Variants in UGGT2 observed in about 807,000 individuals in gnomAD.
The protein encoded by UGGT2 is UDP-glucose:glycoprotein glucosyltransferase 2.
A neutral mutation model predicts 192.1 loss-of-function variants in UGGT2; 180 were observed. That is an observed-to-expected ratio of 0.94 (90% CI 0.83 to 1.06). UGGT2 has a LOEUF of 1.06. Ranked by LOEUF, UGGT2 falls within the 50% of genes least tolerant of loss-of-function variation. The probability of loss-of-function intolerance (pLI) is 0.00; values close to 1 mark genes in which losing one functional copy is unlikely to be tolerated. For missense variants in UGGT2, 1,849 were observed against 1,795.7 expected (o/e 1.03, Z -0.54); for synonymous variants, 580 against 591.0 (o/e 0.98, Z 0.27).
At chr13:96,011,533 A>C (rs2052161892) in intron 5 of UGGT2, among the ~76,000 whole-genome samples, 1 of 152,122 alleles carries the variant, frequency 6.6e-6, no homozygotes, top group Admixed American at 6.5e-5. Flanking sequence ...AATGGTGGTT[A>C]GGATTTAGAG....
chr13:95,947,032 C>T lies in UGGT2; in HGVS notation c.1677+5G>A. 1 of 1,568,346 alleles carries T rather than the reference C, an allele frequency of 6.4e-7. No individual in the cohort carries two copies. The highest frequency in any genetic ancestry group is 8.6e-7 in the Non-Finnish European group (1 of 1,162,576). On this transcript the variant is annotated splice_donor_5th_base_variant and intron_variant, in intron 15 of 38. Coordinates refer to ENST00000376747, the MANE Select transcript of UGGT2 (RefSeq NM_020121.4). ...AAACAAATCACATTTAGTGCATAAA[C>T]TCACGTGTACTATAGAAATAAATGC...
Position 95,917,074 on chromosome 13 carries a change from T to G in UGGT2, c.2295+8606A>C, listed in dbSNP as rs1594320481. On this transcript the variant is annotated intron_variant, in intron 20 of 38. Coordinates refer to ENST00000376747, the MANE Select transcript of UGGT2 (RefSeq NM_020121.4). ...CCCAGTAAGATACTCCATGAAAAGA[T>G]CAACCACAAGACATATAATCATCAG... Among the ~76,000 whole-genome samples the G allele has an allele frequency of 2.0e-5, 3 of 152,100 alleles. No homozygotes were observed. In the South Asian group the frequency reaches 6.2e-4, roughly 32 times the overall value.
At chr13:95,992,111 C>T (rs747485360) in intron 7 of UGGT2, among the ~76,000 whole-genome samples, 11 of 151,904 alleles carry the variant, frequency 7.2e-5, no homozygotes, top group South Asian at 2.1e-4. Flanking sequence ...TGCAGTGAGC[C>T]GAGATGGCTC....
chr13:95,907,253 G>A (rs771906530), intron 20 of UGGT2, among the ~76,000 whole-genome samples: 3 of 152,214 alleles, frequency 2.0e-5, no homozygotes, highest in Non-Finnish European at 4.4e-5. Flanking sequence ...CAAAGCGGCT[G>A]GGAAGCTCGA....
At chr13:95,911,295 A>C (rs1594303621) in intron 20 of UGGT2, among the ~76,000 whole-genome samples, 1 of 152,212 alleles carries the variant, frequency 6.6e-6, no homozygotes, top group East Asian at 1.9e-4. Flanking sequence ...CAATGAATCC[A>C]GGAGCTGGTT....
intron 29 of UGGT2, among the ~76,000 whole-genome samples, chr13:95,869,670 G>A (rs1891051972): frequency 1.3e-5 from 2 of 152,166 alleles, no homozygotes; most frequent in Admixed American, 6.5e-5. Context: ...TGTACTATCA[G>A]ACCTTTACCA....
intron 5 of UGGT2, among the ~76,000 whole-genome samples, chr13:96,007,892 T>G (rs1280927487): frequency 6.6e-6 from 1 of 152,118 alleles, no homozygotes; most frequent in Non-Finnish European, 1.5e-5. Flanking sequence ...ATCTACACAT[T>G]TGGAACCAAC....
At chr13:95,972,353 T>A (rs1566778662) in intron 11 of UGGT2, among the ~76,000 whole-genome samples, 1 of 152,350 alleles carries the variant, frequency 6.6e-6, no homozygotes, top group East Asian at 1.9e-4. Flanking sequence ...ACAAAGTAAT[T>A]ATAGGTCTAA....
chr13:96,030,078 A>C (rs529520848), intron 2 of UGGT2, among the ~76,000 whole-genome samples: 17 of 152,362 alleles, frequency 1.1e-4, no homozygotes, highest in African/African-American at 4.1e-4. Context: ...ATGATTTGAA[A>C]GTAAACATTA....
At chr13:95,856,790 A>G (rs1300368620) in intron 33 of UGGT2, 1 of 268,278 alleles carries the variant, frequency 3.7e-6, no homozygotes, top group Non-Finnish European at 7.2e-6. Context: ...CTAAGCTGAT[A>G]AATTAGATTC....
intron 12 of UGGT2, among the ~76,000 whole-genome samples, chr13:95,959,479 C>A (rs968624605): frequency 5.3e-5 from 8 of 152,126 alleles, no homozygotes; most frequent in Non-Finnish European, 8.8e-5. Context: ...GGCCTAAGAA[C>A]CATCTTGCCT....
At chr13:95,805,114 A>G (rs535942377) in intron 38 of UGGT2, among the ~76,000 whole-genome samples, 1 of 152,262 alleles carries the variant, frequency 6.6e-6, no homozygotes, top group South Asian at 2.1e-4. Context: ...ACCTGATTAA[A>G]AAATGGACAA....
Position 96,022,749 on chromosome 13 carries a change from T to C in UGGT2, c.485+291A>G, listed in dbSNP as rs188155746. Among the ~76,000 whole-genome samples the C allele has an allele frequency of 2.6e-5, 4 of 152,080 alleles. No individual in the cohort carries two copies. The East Asian group carries it at 7.7e-4, about 29-fold the overall frequency. The stretch of plus-strand genomic sequence containing the variant: ...CCCAGGTATATATTCAGTTTATATT[T>C]AAAGAGCTATAGGCCAAATAAACTC... On this transcript the variant is annotated intron_variant, in intron 4 of 38. Coordinates refer to ENST00000376747, the MANE Select transcript of UGGT2 (RefSeq NM_020121.4).
Position 95,983,635 on chromosome 13 carries a change from G to A in UGGT2, c.1092+169C>T, listed in dbSNP as rs199868418. ...GAAGGTATGTCAGAAAAGATTGGCTGATTAAATGCTCATATAGTCCACAGT... is the reference window on the plus strand; with the variant it reads ...GAAGGTATGTCAGAAAAGATTGGCTAATTAAATGCTCATATAGTCCACAGT... On this transcript the variant is annotated intron_variant, in intron 10 of 38. Transcript: ENST00000376747. The A allele has an allele frequency of 2.3e-4, 152 of 671,738 alleles. 2 individuals are homozygous for A. The highest frequency in any genetic ancestry group is 4.8e-4 in the Admixed American group (23 of 48,260). 41.6% of individuals were successfully genotyped at this position (671,738 alleles called of 1,614,324 possible). A position where few individuals can be genotyped will look rare whatever the true frequency, so the allele number is the denominator to read the frequency against.
chr13:96,053,061 G>A (rs2053533647), intron 1 of UGGT2, 94 bp downstream of exon 1: 6 of 1,379,126 alleles, frequency 4.4e-6, no homozygotes, highest in Non-Finnish European at 5.6e-6. Flanking sequence ...GAACCCGGGT[G>A]GGAGCCAGAC....
At chr13:95,986,300 T>C (rs200886100) in intron 9 of UGGT2, 33 bp downstream of exon 9, 11 of 1,395,256 alleles carry the variant, frequency 7.9e-6, no homozygotes, top group East Asian at 4.6e-5. Flanking sequence ...GAAAGAGTTA[T>C]AGCTGCAATG....
At chr13:95,817,309 G>A (rs763462574) in intron 38 of UGGT2, among the ~76,000 whole-genome samples, 2 of 152,136 alleles carry the variant, frequency 1.3e-5, no homozygotes, top group Admixed American at 1.3e-4. Context: ...GAAAGATCAC[G>A]TGCAGTGCCT....
intron 20 of UGGT2, among the ~76,000 whole-genome samples, chr13:95,907,293 G>C (rs2140317470): frequency 6.6e-6 from 1 of 152,330 alleles, no homozygotes; most frequent in Admixed American, 6.5e-5. Context: ...AGCTCAGCGA[G>C]GCCTACTGCC....
intron 32 of UGGT2, 94 bp from the exon 33 acceptor site, chr13:95,859,769 T>A: frequency 1.1e-6 from 1 of 926,096 alleles, no homozygotes; most frequent in Non-Finnish European, 1.5e-6. Flanking sequence ...AATTTAATTT[T>A]AATTTCTTAA....
Sources: gnomAD v4.1 joint callset for allele counts (sites outside exome capture counted in the v4.1 genomes callset) on GRCh38, gnomAD v4.1.1 for gene constraint, MANE v1.5 for transcripts, NCBI Gene and HGNC (gene_info 2026-07-23, HGNC 2026-07-21) for gene names.